Variants in COL4A2 observed in about 807,000 individuals in gnomAD.
COL4A2 encodes collagen type IV alpha 2 chain, also known as collagen alpha-2(IV) chain.
COL4A2 carries 99 observed loss-of-function variants against 200.2 expected under a neutral mutation model. The ratio of observed to expected loss-of-function variants is 0.49; its 90% CI spans 0.42 to 0.58. The LOEUF (loss-of-function observed/expected upper bound fraction) is 0.58. Ranked by LOEUF, COL4A2 falls within the 20% of genes least tolerant of loss-of-function variation. COL4A2 has a pLI of 0.00. For missense variants in COL4A2, 1,950 were observed against 2,314.1 expected, an observed-to-expected ratio of 0.84 and a Z score of 3.23; for synonymous variants, 897 against 900.6, an observed-to-expected ratio of 1.00 and a Z score of 0.07.
intron 19 of COL4A2, 76 bp downstream of exon 19, chr13:110,449,865 T>G (rs1881470218): frequency 1.4e-6 from 2 of 1,440,152 alleles, no homozygotes; most frequent in Admixed American, 4.8e-5. Context: ...CAAGGGAGAC[T>G]TCGTTGACGA....
intron 4 of COL4A2, among the ~76,000 whole-genome samples, chr13:110,381,692 G>T (rs1424673257): frequency 3.3e-5 from 5 of 152,212 alleles, no homozygotes; most frequent in Admixed American, 3.3e-4. Context: ...TTAGTAGAAA[G>T]GTTGACCCTG....
intron 3 of COL4A2, among the ~76,000 whole-genome samples, chr13:110,343,622 G>A (rs1293170459): frequency 1.3e-5 from 2 of 152,216 alleles, no homozygotes; most frequent in Non-Finnish European, 2.9e-5. Flanking sequence ...GGACTTTGAT[G>A]GTCAAGTTTG....
At chr13:110,499,500 G>A (rs1239594424) in intron 40 of COL4A2, among the ~76,000 whole-genome samples, 7 of 147,582 alleles carry the variant, frequency 4.7e-5, no homozygotes, top group African/African-American at 1.5e-4. Flanking sequence ...CCTACGACAT[G>A]TAGGGACTTT....
intron 28 of COL4A2, among the ~76,000 whole-genome samples, chr13:110,470,089 A>T (rs1488123967): frequency 6.6e-6 from 1 of 151,120 alleles, no homozygotes; most frequent in Non-Finnish European, 1.5e-5. Flanking sequence ...TGATTTTTGT[A>T]TTTTCAGTAG....
intron 39 of COL4A2, 131 bp from the exon 40 acceptor site, chr13:110,495,211 T>C (rs373013222): frequency 9.4e-6 from 10 of 1,064,928 alleles, no homozygotes; most frequent in South Asian, 6.4e-5. Context: ...TATATTGCAA[T>C]GCAAGCTGAA....
chr13:110,473,915 AG>A (rs1361136675), intron 29 of COL4A2, among the ~76,000 whole-genome samples: 1 of 151,876 alleles, frequency 6.6e-6, no homozygotes, highest in African/African-American at 2.4e-5. Flanking sequence ...GATTGAGCCG[AG>A]GGGTTCAAAA....
At chr13:110,438,067 C>T in intron 14 of COL4A2, 30 bp downstream of exon 14, 3 of 1,603,272 alleles carry the variant, frequency 1.9e-6, no homozygotes, top group Non-Finnish European at 1.7e-6. Context: ...TGCCCCCTCC[C>T]CTGTGGCTCC....
chr13:110,378,861 A>G (rs1163037487), intron 4 of COL4A2, among the ~76,000 whole-genome samples: 1 of 152,170 alleles, frequency 6.6e-6, no homozygotes, highest in Non-Finnish European at 1.5e-5. Flanking sequence ...CAATGTGATC[A>G]TGGTGGAGAG....
rs10450819 is a variant in COL4A2, at chr13:110,343,392, G to A, written c.100-14080G>A. On this transcript the variant is annotated intron_variant, in intron 3 of 47. Transcript: ENST00000360467. The stretch of plus-strand genomic sequence containing the variant: ...TCTTCCAGGCAGAGAAAAAACTACC[G>A]AGTGTGAGTTCACAGCAAAGGCATC... Among the ~76,000 whole-genome samples the A allele has an allele frequency of 1.8e-3, 278 of 152,260 alleles. 1 individual carries two copies. The highest frequency in any genetic ancestry group is 6.3e-3 in the African/African-American group (261 of 41,546).
intron 16 of COL4A2, among the ~76,000 whole-genome samples, chr13:110,440,511 A>C (rs1351832259): frequency 6.6e-6 from 1 of 152,120 alleles, no homozygotes; most frequent in Non-Finnish European, 1.5e-5. Context: ...CAGGAGAATC[A>C]CTTGAACCTG....
intron 3 of COL4A2, among the ~76,000 whole-genome samples, chr13:110,337,118 C>T (rs962670341): frequency 4.6e-5 from 7 of 152,152 alleles, no homozygotes; most frequent in African/African-American, 9.7e-5. Context: ...ACACGTAGGA[C>T]GTATAATATA....
At chr13:110,474,724 C>A (rs531386088) in intron 29 of COL4A2, among the ~76,000 whole-genome samples, 1 of 141,470 alleles carries the variant, frequency 7.1e-6, no homozygotes, top group African/African-American at 2.6e-5. Flanking sequence ...TGATCACACA[C>A]GCACGTACCC....
At chr13:110,406,527 C>G (rs1474333599) in intron 4 of COL4A2, among the ~76,000 whole-genome samples, 1 of 152,200 alleles carries the variant, frequency 6.6e-6, no homozygotes, top group Non-Finnish European at 1.5e-5. Flanking sequence ...CAGGTCCATC[C>G]TAGAGCACAT....
At chr13:110,430,099 TCTTA>T in intron 8 of COL4A2, 143 bp downstream of exon 8, 3 of 839,998 alleles carry the variant, frequency 3.6e-6, no homozygotes, top group Non-Finnish European at 5.2e-6. Context: ...CTAAAAGTCA[TCTTA>T]CTTCCGATCA....
At chr13:110,392,698 G>A (rs375669440) in intron 4 of COL4A2, among the ~76,000 whole-genome samples, 6 of 152,056 alleles carry the variant, frequency 3.9e-5, no homozygotes, top group East Asian at 3.9e-4. Flanking sequence ...ATCCTCTCCC[G>A]ACCCTTATCT....
At chr13:110,335,034 C>G (rs1260027941) in intron 3 of COL4A2, among the ~76,000 whole-genome samples, 1 of 152,132 alleles carries the variant, frequency 6.6e-6, no homozygotes, top group Non-Finnish European at 1.5e-5. Flanking sequence ...TGCTGCTGCC[C>G]TGATCCCTGG....
chr13:110,447,289 C>T (rs565987904), intron 18 of COL4A2, among the ~76,000 whole-genome samples: 10 of 152,312 alleles, frequency 6.6e-5, no homozygotes, highest in African/African-American at 2.4e-4. Context: ...CAGCCCGACA[C>T]CTGGAATTGA....
At chr13:110,390,365 T>C (rs1214685850) in intron 4 of COL4A2, among the ~76,000 whole-genome samples, 1 of 152,188 alleles carries the variant, frequency 6.6e-6, no homozygotes, top group Non-Finnish European at 1.5e-5. Flanking sequence ...TTCCCAAAGG[T>C]CACGCAGTGA....
intron 4 of COL4A2, among the ~76,000 whole-genome samples, chr13:110,398,923 G>C (rs954317922): frequency 6.6e-6 from 1 of 151,716 alleles, no homozygotes; most frequent in African/African-American, 2.4e-5. Context: ...ATATATAACT[G>C]TATCTTTTTT....
Sources: gnomAD v4.1 joint callset for allele counts (sites outside exome capture counted in the v4.1 genomes callset) on GRCh38, gnomAD v4.1.1 for gene constraint, MANE v1.5 for transcripts, NCBI Gene and HGNC (gene_info 2026-07-23, HGNC 2026-07-21) for gene names.